The following L3MBTL4 variants were observed in gnomAD, a reference collection of about 807,000 sequenced individuals.
L3MBTL4 encodes L3MBTL histone methyl-lysine binding protein 4.
In L3MBTL4, 70 loss-of-function variants were observed where a neutral mutation model predicts 84.5. That is an observed-to-expected ratio of 0.83 (90% CI 0.68 to 1.01). The LOEUF is 1.01. Ranked by LOEUF, L3MBTL4 falls within the 50% of genes least tolerant of loss-of-function variation. The pLI, the probability that L3MBTL4 is intolerant of heterozygous loss-of-function variation, is 0.00. For missense variants in L3MBTL4, 715 were observed against 754.8 expected (o/e 0.95, Z 0.62); for synonymous variants, 274 against 259.8 (o/e 1.05, Z -0.52).
intron 17 of L3MBTL4, among the ~76,000 whole-genome samples, chr18:5,963,788 TAG>T (rs1202812653): frequency 2.6e-5 from 4 of 152,226 alleles, no homozygotes; most frequent in Admixed American, 1.3e-4. Context: ...TAGCATAGAA[TAG>T]AGTAATATCA....
chr18:6,076,836 GA>G (rs1199739484), intron 16 of L3MBTL4, among the ~76,000 whole-genome samples: 1 of 152,088 alleles, frequency 6.6e-6, no homozygotes, highest in East Asian at 1.9e-4. Flanking sequence ...ATATTAAAAA[GA>G]AACAACTTTC....
intron 13 of L3MBTL4, among the ~76,000 whole-genome samples, chr18:6,164,438 G>T (rs2043536733): frequency 1.3e-5 from 2 of 152,214 alleles, no homozygotes; most frequent in Non-Finnish European, 2.9e-5. Context: ...CCCGCTAGGG[G>T]CAGACTGACA....
intron 16 of L3MBTL4, among the ~76,000 whole-genome samples, chr18:6,064,425 T>C (rs1057463487): frequency 6.6e-6 from 1 of 152,100 alleles, no homozygotes; most frequent in Non-Finnish European, 1.5e-5. Context: ...GGGAATTGCA[T>C]TGAATCTGTA....
chr18:5,990,928 T>C (rs2053668449), intron 16 of L3MBTL4, among the ~76,000 whole-genome samples: 1 of 152,136 alleles, frequency 6.6e-6, no homozygotes, highest in Non-Finnish European at 1.5e-5. Context: ...AGGCTTGGAA[T>C]ATCATTTTCT....
At chr18:6,124,209 C>T (rs1031383301) in intron 14 of L3MBTL4, among the ~76,000 whole-genome samples, 5 of 151,582 alleles carry the variant, frequency 3.3e-5, no homozygotes, top group Middle Eastern at 3.4e-3. Flanking sequence ...GATGGAGTCA[C>T]GAGGGATAGA....
In L3MBTL4 at chr18:5,956,101, A is replaced by C; in HGVS notation, c.*119T>G. ...CATGTAAACAAATCACAGACACTTT[A>C]AAAAGTCCAGATTCAGTGTGGATAC... On this transcript the variant is annotated 3_prime_UTR_variant, in exon 19 of 19. Coordinates refer to ENST00000317931, the MANE Select transcript of L3MBTL4 (RefSeq NM_001330559.2). 1 of 868,714 alleles carries C rather than the reference A, an allele frequency of 1.2e-6. No homozygotes were observed. Among genetic ancestry groups the C allele is most frequent in the South Asian group, 1.6e-5 (1 of 60,614 alleles). The allele number at this position is 868,714 out of a possible 1,614,324, so 53.8% of individuals were successfully genotyped here. A position where few individuals can be genotyped will look rare whatever the true frequency, so the allele number is the denominator to read the frequency against.
chr18:6,369,654 G>A (rs1006213526), intron 1 of L3MBTL4, among the ~76,000 whole-genome samples: 1 of 152,176 alleles, frequency 6.6e-6, no homozygotes, highest in Non-Finnish European at 1.5e-5. Flanking sequence ...TGAAAGCCAA[G>A]CAGGATTACA....
rs997203333 is a variant in L3MBTL4 at position 6,053,475 on chromosome 18, T to C, written c.1444+27406A>G. On this transcript the variant is annotated intron_variant, in intron 16 of 18. Transcript: ENST00000317931. Reference sequence around the variant, plus strand: ...CACATTTGTCTGATAACTGGTACTATCACAAAAGGCTGCCAACACCACAAC... The same window carrying C: ...CACATTTGTCTGATAACTGGTACTACCACAAAAGGCTGCCAACACCACAAC... 5.3e-5 allele frequency among the ~76,000 whole-genome samples: 8 copies of C among 152,246 alleles called. No homozygotes were observed. The East Asian group carries it at 7.7e-4, about 15-fold the overall frequency.
At chr18:6,391,385 T>A (rs1229957881) in intron 1 of L3MBTL4, among the ~76,000 whole-genome samples, 4 of 152,076 alleles carry the variant, frequency 2.6e-5, no homozygotes, top group African/African-American at 7.2e-5. Flanking sequence ...TCACACTGAA[T>A]AGAGAAAAGT....
At chr18:6,180,307 G>GAAAC (rs35378006) in intron 12 of L3MBTL4, among the ~76,000 whole-genome samples, 1 of 151,250 alleles carries the variant, frequency 6.6e-6, no homozygotes, top group African/African-American at 2.4e-5. Flanking sequence ...AGGCTACTGA[G>GAAAC]ACAGGGATTA....
chr18:6,236,246 CA>C, intron 10 of L3MBTL4, among the ~76,000 whole-genome samples: 1 of 152,130 alleles, frequency 6.6e-6, no homozygotes, highest in East Asian at 1.9e-4. Context: ...ACATACGAAC[CA>C]ATGAAAAAGA....
chr18:6,205,083 TG>T (rs2045814984), intron 12 of L3MBTL4, among the ~76,000 whole-genome samples: 1 of 152,216 alleles, frequency 6.6e-6, no homozygotes, highest in South Asian at 2.1e-4. Context: ...GGCAGATTTT[TG>T]CAAGAGTGGT....
chr18:6,205,554 A>T (rs886223718), intron 12 of L3MBTL4, among the ~76,000 whole-genome samples: 5 of 152,226 alleles, frequency 3.3e-5, no homozygotes, highest in African/African-American at 1.2e-4. Flanking sequence ...TAAAGTAGTA[A>T]TAGGAAAGTA....
chr18:6,180,103 A>G (rs2145332685), intron 12 of L3MBTL4, among the ~76,000 whole-genome samples: 1 of 152,290 alleles, frequency 6.6e-6, no homozygotes. Context: ...ATAAATCAGG[A>G]AAACAATATA....
intron 16 of L3MBTL4, among the ~76,000 whole-genome samples, chr18:5,997,753 C>T (rs2054040627): frequency 6.6e-6 from 1 of 152,140 alleles, no homozygotes; most frequent in Admixed American, 6.5e-5. Context: ...CCTCCTGAGG[C>T]TGTGTCACCA....
At chr18:6,402,205 AT>A (rs2055541903) in intron 1 of L3MBTL4, among the ~76,000 whole-genome samples, 1 of 152,222 alleles carries the variant, frequency 6.6e-6, no homozygotes, top group East Asian at 1.9e-4. Context: ...AGCTATATAC[AT>A]TTATTCCACT....
intron 16 of L3MBTL4, among the ~76,000 whole-genome samples, chr18:6,034,237 G>A (rs538674321): frequency 1.8e-4 from 28 of 152,048 alleles, no homozygotes; most frequent in South Asian, 6.2e-4. Flanking sequence ...ATGCTGGTGC[G>A]CTGCACCCAC....
chr18:6,249,845 C>A (rs2047846361), intron 5 of L3MBTL4, among the ~76,000 whole-genome samples: 1 of 152,160 alleles, frequency 6.6e-6, no homozygotes, highest in African/African-American at 2.4e-5. Context: ...TTATAAGGTT[C>A]AGAGACCTGG....
intron 16 of L3MBTL4, among the ~76,000 whole-genome samples, chr18:5,994,894 C>T (rs914658395): frequency 2.0e-5 from 3 of 152,344 alleles, no homozygotes; most frequent in Admixed American, 2.0e-4. Flanking sequence ...AGATGTCACA[C>T]ATTTATATGC....
Sources: gnomAD v4.1 joint callset for allele counts (sites outside exome capture counted in the v4.1 genomes callset) on GRCh38, gnomAD v4.1.1 for gene constraint, MANE v1.5 for transcripts, NCBI Gene and HGNC (gene_info 2026-07-23, HGNC 2026-07-21) for gene names.